PCDHA2: variants seen among roughly 807,000 people sequenced by gnomAD.
The protein encoded by PCDHA2 is protocadherin alpha 2, also known as protocadherin alpha-2.
PCDHA2 carries 58 observed loss-of-function variants against 66.0 expected under a neutral mutation model. That is an observed-to-expected ratio of 0.88 (90% CI 0.71 to 1.09). The LOEUF (loss-of-function observed/expected upper bound fraction) is 1.09. Among genes scored for constraint, PCDHA2 ranks in the 50% least tolerant of loss-of-function variants. The pLI, the probability that PCDHA2 is intolerant of heterozygous loss-of-function variation, is 0.00. For missense variants in PCDHA2, 1,267 were observed against 1,242.3 expected, an observed-to-expected ratio of 1.02 and a Z score of -0.30; for synonymous variants, 634 against 554.0, an observed-to-expected ratio of 1.14 and a Z score of -2.03.
chr5:140,892,658 A>G (rs1202553509), intron 1 of PCDHA2, among the ~76,000 whole-genome samples: 4 of 152,202 alleles, frequency 2.6e-5, no homozygotes, highest in African/African-American at 9.7e-5. Context: ...ATACAGAGTG[A>G]CATTTTGATA....
rs782133089 is a variant in PCDHA2, at chr5:140,924,894, C to CA, written c.2389-54044dup. Among the ~76,000 whole-genome samples, 369 of 71,492 alleles carry CA rather than the reference C, an allele frequency of 5.2e-3. 5 individuals carry two copies. The South Asian group carries it at 0.07, about 14-fold the overall frequency. 46.9% of individuals were successfully genotyped at this position (71,492 alleles called of 152,430 possible). ...TGGGTGACAGAGCAAGAACCTGTCT[C>CA]AAAAAAAAAAATAAAATAAAATAAA... is the stretch of plus-strand genomic sequence containing the variant. On this transcript the variant is annotated intron_variant, in intron 1 of 3. Coordinates refer to ENST00000526136, the MANE Select transcript of PCDHA2 (RefSeq NM_018905.3).
intron 3 of PCDHA2, among the ~76,000 whole-genome samples, chr5:141,000,634 G>A (rs1554257716): frequency 6.6e-6 from 1 of 150,928 alleles, no homozygotes; most frequent in Non-Finnish European, 1.5e-5. Context: ...CACCATGTTG[G>A]GCAGGCTGGT....
At chr5:140,823,535 G>A (rs2150126738) in intron 1 of PCDHA2, 13 of 1,613,680 alleles carry the variant, frequency 8.1e-6, no homozygotes, top group African/African-American at 2.7e-5. Flanking sequence ...GTGGGTGCGG[G>A]CCACGTGGTG....
At chr5:140,910,485 A>G (rs1251216481) in intron 1 of PCDHA2, among the ~76,000 whole-genome samples, 1 of 152,206 alleles carries the variant, frequency 6.6e-6, no homozygotes. Flanking sequence ...TGGCATACAG[A>G]GAAGAGCAAT....
intron 1 of PCDHA2, among the ~76,000 whole-genome samples, chr5:140,799,358 T>C (rs1762421174): frequency 1.3e-5 from 2 of 152,152 alleles, no homozygotes; most frequent in Non-Finnish European, 2.9e-5. Flanking sequence ...GTCAAAGGCA[T>C]CTCATTACTA....
chr5:140,841,706 A>G, intron 1 of PCDHA2: 2 of 1,613,892 alleles, frequency 1.2e-6, no homozygotes, highest in Non-Finnish European at 1.7e-6. Context: ...TGTTAATGAC[A>G]ACCCGCCAGT....
intron 1 of PCDHA2, chr5:140,862,703 A>G (rs2047499886): frequency 3.6e-6 from 2 of 558,206 alleles, no homozygotes; most frequent in East Asian, 4.9e-5. Flanking sequence ...TTGATGGAAC[A>G]GCGGGTGGGC....
At chr5:140,978,922 C>A (rs569091265) in intron 1 of PCDHA2, 27 bp from the exon 2 acceptor site, 7 of 1,613,966 alleles carry the variant, frequency 4.3e-6, no homozygotes, top group Non-Finnish European at 5.1e-6. Context: ...GTCATTTTAA[C>A]AGAAAACTCT....
At chr5:140,970,464 G>T (rs2096408291) in intron 1 of PCDHA2, among the ~76,000 whole-genome samples, 1 of 152,154 alleles carries the variant, frequency 6.6e-6, no homozygotes, top group African/African-American at 2.4e-5. Flanking sequence ...ATTTAAGTAG[G>T]TATAAGGCCA....
chr5:140,940,195 T>C (rs2092570084), intron 1 of PCDHA2, among the ~76,000 whole-genome samples: 1 of 152,220 alleles, frequency 6.6e-6, no homozygotes, highest in African/African-American at 2.4e-5. Flanking sequence ...TTTACATGGG[T>C]GTAAAATTCA....
rs2150247025 is a variant in PCDHA2, at chr5:140,835,871, G to A, written c.2388+38519G>A. 23 of 1,611,942 alleles carry A rather than the reference G, an allele frequency of 1.4e-5. No individual in the cohort carries two copies. The South Asian group carries it at 2.4e-4, about 17-fold the overall frequency. On this transcript the variant is annotated intron_variant, in intron 1 of 3. Transcript: ENST00000526136. ...CGCTGGTGTCCTACTCGCTGGTGGA[G>A]CTGCGGGTGGGCGAGCGCGCGCTGT...
intron 1 of PCDHA2, among the ~76,000 whole-genome samples, chr5:140,904,827 T>A (rs1554191731): frequency 2.0e-5 from 3 of 152,064 alleles, no homozygotes; most frequent in African/African-American, 7.2e-5. Context: ...AGCATTTTTT[T>A]ATATGTTTCA....
At chr5:140,865,781 A>T (rs1213634186) in intron 1 of PCDHA2, 5 of 152,208 alleles carry the variant, frequency 3.3e-5, no homozygotes, top group Non-Finnish European at 5.9e-5. Flanking sequence ...TCAAATGTGT[A>T]TCTTTCAGGC....
intron 3 of PCDHA2, among the ~76,000 whole-genome samples, chr5:141,005,862 G>A (rs376850991): frequency 6.6e-6 from 1 of 152,012 alleles, no homozygotes; most frequent in Non-Finnish European, 1.5e-5. Flanking sequence ...CAGGAGGGTC[G>A]ATTGAGTCCA....
At chr5:140,908,895 G>A (rs1381470212) in intron 1 of PCDHA2, among the ~76,000 whole-genome samples, 1 of 152,158 alleles carries the variant, frequency 6.6e-6, no homozygotes, top group Non-Finnish European at 1.5e-5. Flanking sequence ...TCCCAAATAA[G>A]CCTCTTTCGT....
intron 3 of PCDHA2, among the ~76,000 whole-genome samples, chr5:141,005,519 C>T (rs1374058521): frequency 1.3e-5 from 2 of 151,140 alleles, no homozygotes; most frequent in Middle Eastern, 3.2e-3. Context: ...CTGGCTAACA[C>T]GGTGAAACCC....
At chr5:140,818,235 A>C (rs2150100538) in intron 1 of PCDHA2, among the ~76,000 whole-genome samples, 2 of 152,010 alleles carry the variant, frequency 1.3e-5, no homozygotes, top group African/African-American at 4.8e-5. Context: ...CTTGTCTTTT[A>C]TGTGCCATTT....
chr5:140,868,928 A>C, intron 1 of PCDHA2: 1 of 1,070,100 alleles, frequency 9.3e-7, no homozygotes, highest in Non-Finnish European at 1.3e-6. Flanking sequence ...AGTTCATTTA[A>C]AGGTTGGTCT....
intron 1 of PCDHA2, chr5:140,852,294 C>T (rs1467732169): frequency 2.1e-6 from 1 of 469,886 alleles, no homozygotes; most frequent in Non-Finnish European, 2.9e-6. Flanking sequence ...TTTTATTTTT[C>T]TGAGACGGAG....
Sources: allele counts gnomAD v4.1 joint callset (sites outside exome capture counted in the v4.1 genomes callset), GRCh38; gene constraint gnomAD v4.1.1; transcripts MANE v1.5; gene names NCBI Gene and HGNC (gene_info 2026-07-23, HGNC 2026-07-21).